The following QPCT variants were observed in gnomAD, a reference collection of about 807,000 sequenced individuals.
QPCT encodes the protein glutaminyl-peptide cyclotransferase.
Under a neutral mutation model 43.4 loss-of-function variants are expected in QPCT, and 44 were observed. The ratio of observed to expected loss-of-function variants is 1.01; its 90% CI spans 0.80 to 1.30. The LOEUF (loss-of-function observed/expected upper bound fraction) is 1.30. Ranked by LOEUF, QPCT falls within the 50% of genes most tolerant of loss-of-function variation. The pLI, the probability that QPCT is intolerant of heterozygous loss-of-function variation, is 0.00. For synonymous variants in QPCT, 168 were observed against 168.4 expected, an observed-to-expected ratio of 1.00 and a Z score of 0.02; for missense variants, 526 against 436.5, an observed-to-expected ratio of 1.21 and a Z score of -1.83.
intron 4 of QPCT, chr2:37,368,754 A>T (rs1673015055): frequency 2.1e-6 from 1 of 465,658 alleles, no homozygotes; most frequent in African/African-American, 2.0e-5. Flanking sequence ...GCAGTAGAAC[A>T]AAGTTATTTA....
intron 1 of QPCT, among the ~76,000 whole-genome samples, chr2:37,349,473 T>C (rs560315633): frequency 1.0e-3 from 158 of 152,352 alleles, no homozygotes; most frequent in Non-Finnish European, 1.8e-3. Flanking sequence ...TTAAGAGCTC[T>C]TTCAAGCCTC....
chr2:37,351,392 T>C (rs1672622099), intron 1 of QPCT, among the ~76,000 whole-genome samples: 1 of 152,236 alleles, frequency 6.6e-6, no homozygotes, highest in Non-Finnish European at 1.5e-5. Context: ...TGGTTCATCA[T>C]TACCAGTATC....
At position 37,349,132 on chromosome 2, in the gene QPCT, C is replaced by T. The variant is rs555253982; in HGVS notation, c.121-3657C>T. ...TTGACTGAGTGTAGTTGGTTGTTTC[C>T]TCTTCTCTGTCCTTCAGTTACTGGG... On this transcript the variant is annotated intron_variant, in intron 1 of 6. Transcript: ENST00000338415. Among the ~76,000 whole-genome samples the T allele has an allele frequency of 5.3e-5, 8 of 152,284 alleles. No homozygotes were observed. The South Asian group carries it at 1.7e-3, about 32-fold the overall frequency.
Position 37,372,440 on chromosome 2 carries a change from T to A in QPCT, c.908T>A (p.Ile303Asn). ...YFQNYSYGGV[I>N]QDDHIPFLRR... Reference sequence around the variant, plus strand: ...CAGAATTACAGTTATGGAGGTGTGATTCAGGATGACCATATTCCATTTTTA... The same window carrying A: ...CAGAATTACAGTTATGGAGGTGTGAATCAGGATGACCATATTCCATTTTTA... Residue 303 changes from isoleucine to asparagine, a missense_variant, in exon 6 of 7, where the codon ATT (isoleucine) becomes AAT (asparagine). Physicochemically the swap from Ile to Asn is moderately radical, Grantham distance 149. Coordinates refer to ENST00000338415, the MANE Select transcript of QPCT (RefSeq NM_012413.4). 6.2e-7 allele frequency: 1 copy of A among 1,613,996 alleles called. No homozygotes were observed. The highest frequency in any genetic ancestry group is 8.5e-7 in the Non-Finnish European group (1 of 1,179,898).
At chr2:37,352,179 C>A (rs1481381763) in intron 1 of QPCT, among the ~76,000 whole-genome samples, 1 of 152,030 alleles carries the variant, frequency 6.6e-6, no homozygotes, top group Non-Finnish European at 1.5e-5. Context: ...AACATGTAAT[C>A]ATTATAAAAT....
At chr2:37,349,581 A>G (rs961815197) in intron 1 of QPCT, among the ~76,000 whole-genome samples, 5 of 152,218 alleles carry the variant, frequency 3.3e-5, no homozygotes, top group Non-Finnish European at 4.4e-5. Flanking sequence ...GGGATAGAGT[A>G]TTGGACAGTA....
chr2:37,344,991 G>A (rs1672451219), intron 1 of QPCT, 140 bp downstream of exon 1: 21 of 1,274,278 alleles, frequency 1.6e-5, no homozygotes, highest in Non-Finnish European at 2.1e-5. Flanking sequence ...CGCCCCACCC[G>A]GCGCCCGGAG....
chr2:37,359,504 A>G, intron 2 of QPCT, 76 bp from the exon 3 acceptor site: 1 of 1,412,156 alleles, frequency 7.1e-7, no homozygotes, highest in Non-Finnish European at 9.6e-7. Flanking sequence ...GGCACTACTT[A>G]AAATTTCAGA....
At chr2:37,345,514 A>C (rs1672466765) in intron 1 of QPCT, among the ~76,000 whole-genome samples, 1 of 152,196 alleles carries the variant, frequency 6.6e-6, no homozygotes, top group African/African-American at 2.4e-5. Flanking sequence ...TTAGGATAAA[A>C]GTGATTTGCA....
chr2:37,373,008 C>A lies in QPCT; in HGVS notation c.*181C>A. The A allele has an allele frequency of 4.3e-6, 2 of 467,838 alleles. No individual in the cohort carries two copies. Among genetic ancestry groups the A allele is most frequent in the South Asian group, 6.3e-5 (1 of 15,882 alleles). 29.0% of individuals were successfully genotyped at this position (467,838 alleles called of 1,614,324 possible). A position where few individuals can be genotyped will look rare whatever the true frequency, so the allele number is the denominator to read the frequency against. ...GAATAATTGTGTTGTGATATTGTGTCCTAAATTGCTCATTAATTTTTATTT... is the reference window on the plus strand; with the variant it reads ...GAATAATTGTGTTGTGATATTGTGTACTAAATTGCTCATTAATTTTTATTT... On this transcript the variant is annotated 3_prime_UTR_variant, in exon 7 of 7. Transcript: ENST00000338415.
chr2:37,366,800 C>T (rs1286319280), intron 3 of QPCT, among the ~76,000 whole-genome samples: 1 of 152,184 alleles, frequency 6.6e-6, no homozygotes, highest in Non-Finnish European at 1.5e-5. Flanking sequence ...GAGAGCCCCC[C>T]GTACCCGTGT....
Position 37,344,661 on chromosome 2 carries a change from G to A in QPCT, c.-71G>A. 1 of 1,531,732 alleles carries A rather than the reference G, an allele frequency of 6.5e-7. No homozygotes were observed. Among genetic ancestry groups the A allele is most frequent in the South Asian group, 1.2e-5 (1 of 82,788 alleles). 94.9% of individuals were successfully genotyped at this position (1,531,732 alleles called of 1,614,324 possible). On this transcript the variant is annotated 5_prime_UTR_variant, in exon 1 of 7. Transcript: ENST00000338415. Reference sequence around the variant, plus strand: ...CCCAAGGGTGGAGAAGAGGGAAGGCGAAGGACGCGCGTTCCCGGGCTCGTG... The same window carrying A: ...CCCAAGGGTGGAGAAGAGGGAAGGCAAAGGACGCGCGTTCCCGGGCTCGTG...
chr2:37,365,286 A>G (rs568758206), intron 3 of QPCT, among the ~76,000 whole-genome samples: 33 of 152,254 alleles, frequency 2.2e-4, no homozygotes, highest in African/African-American at 7.9e-4. Context: ...GTATCTTAGG[A>G]ACCAAATGAA....
At chr2:37,370,911 C>T (rs989436018) in intron 5 of QPCT, among the ~76,000 whole-genome samples, 1 of 152,286 alleles carries the variant, frequency 6.6e-6, no homozygotes, top group Middle Eastern at 3.4e-3. Flanking sequence ...CAGGGGGCTG[C>T]TTTGAAGGCA....
chr2:37,362,930 G>T (rs1214704006), intron 3 of QPCT, among the ~76,000 whole-genome samples: 4 of 145,224 alleles, frequency 2.8e-5, no homozygotes, highest in Non-Finnish European at 5.9e-5. Context: ...CTTTGCCACA[G>T]ATGAGAAAAT....
At chr2:37,348,151 G>A (rs1191613076) in intron 1 of QPCT, among the ~76,000 whole-genome samples, 1 of 152,106 alleles carries the variant, frequency 6.6e-6, no homozygotes, top group Non-Finnish European at 1.5e-5. Flanking sequence ...TGACGTGGAA[G>A]TTAGTTGGGG....
At chr2:37,368,698 A>G (rs745719627) in intron 4 of QPCT, 1 of 471,098 alleles carries the variant, frequency 2.1e-6, no homozygotes, top group South Asian at 1.5e-5. Flanking sequence ...CAAGTGCCCA[A>G]AAAGCATTCA....
chr2:37,367,393 C>A lies in QPCT; in HGVS notation c.708C>A (p.Ser236Arg). Reference sequence around the variant, plus strand: ...ACCCACCTGGAGCGAGAGGCACCAGCCAACTGCATGGCATGGTTAGTCTGG... The same window carrying A: ...ACCCACCTGGAGCGAGAGGCACCAGACAACTGCATGGCATGGTTAGTCTGG... ...TPHPPGARGT[S>R]QLHGMDLLVL... is the part of the protein sequence containing the mutation. Residue 236 changes from serine to arginine, a missense_variant, in exon 4 of 7, where the codon AGC becomes AGA. Ser to Arg is a moderately radical substitution (Grantham distance 110). Coordinates refer to ENST00000338415, the MANE Select transcript of QPCT (RefSeq NM_012413.4). The A allele has an allele frequency of 6.2e-7, 1 of 1,613,588 alleles. No individual in the cohort carries two copies. Among genetic ancestry groups the A allele is most frequent in the Non-Finnish European group, 8.5e-7 (1 of 1,179,756 alleles).
intron 2 of QPCT, among the ~76,000 whole-genome samples, chr2:37,358,108 G>GAA (rs553371602): frequency 5.5e-5 from 6 of 109,974 alleles, no homozygotes; most frequent in African/African-American, 1.6e-4. Context: ...TATGATACTT[G>GAA]AAAAAAAAAA....
Sources: allele counts gnomAD v4.1 joint callset (sites outside exome capture counted in the v4.1 genomes callset), GRCh38; gene constraint gnomAD v4.1.1; transcripts MANE v1.5; gene names NCBI Gene and HGNC (gene_info 2026-07-23, HGNC 2026-07-21).